CNNM2: variants seen among roughly 807,000 people sequenced by gnomAD.
CNNM2 encodes metal transporter CNNM2.
A neutral mutation model predicts 66.9 loss-of-function variants in CNNM2; 12 were observed. That is an observed-to-expected ratio of 0.18 (90% CI 0.11 to 0.29). The LOEUF is 0.29. Among genes scored for constraint, CNNM2 ranks in the 10% least tolerant of loss-of-function variants. The pLI is 1.00. For missense variants in CNNM2, 705 were observed against 1,167.7 expected (o/e 0.60, Z 5.77); for synonymous variants, 557 against 501.8 (o/e 1.11, Z -1.47).
intron 1 of CNNM2, among the ~76,000 whole-genome samples, chr10:102,954,093 A>G (rs1400133901): frequency 1.3e-5 from 2 of 149,800 alleles, no homozygotes; most frequent in Non-Finnish European, 3.0e-5. Context: ...GCTATTTTCT[A>G]TGTAACATTG....
At position 103,090,219 on chromosome 10, in the gene CNNM2, A is replaced by G; in HGVS notation, c.*13039A>G. On this transcript the variant is annotated 3_prime_UTR_variant, in exon 8 of 8. Transcript: ENST00000369878. The stretch of plus-strand genomic sequence containing the variant: ...CAGATCAGAATAAAGGAATGTAAAA[A>G]CCACATTTTCTTTTTCTTGAGATGG... 2.9e-6 allele frequency: 1 copy of G among 342,194 alleles called. No homozygotes were observed. Among genetic ancestry groups the G allele is most frequent in the Non-Finnish European group, 5.3e-6 (1 of 188,830 alleles). The allele number at this position is 342,194 out of a possible 1,614,324, so 21.2% of individuals were successfully genotyped here. A position where few individuals can be genotyped will look rare whatever the true frequency, so the allele number is the denominator to read the frequency against.
intron 1 of CNNM2, among the ~76,000 whole-genome samples, chr10:102,998,806 C>G (rs1252521385): frequency 6.6e-6 from 1 of 152,146 alleles, no homozygotes; most frequent in Non-Finnish European, 1.5e-5. Context: ...TGGTGAAACC[C>G]TGTCTCTACT....
At chr10:103,014,263 T>G (rs1307069164) in intron 1 of CNNM2, among the ~76,000 whole-genome samples, 8 of 152,202 alleles carry the variant, frequency 5.3e-5, no homozygotes, top group Admixed American at 5.2e-4. Flanking sequence ...GCCCTCAAAG[T>G]ATGCATAGCC....
chr10:103,028,909 G>A (rs537053906), intron 1 of CNNM2, among the ~76,000 whole-genome samples: 1 of 135,306 alleles, frequency 7.4e-6, no homozygotes, highest in Admixed American at 8.5e-5. Flanking sequence ...TGCAACCTCC[G>A]CACACCAGGT....
At chr10:102,933,946 A>G (rs1278353672) in intron 1 of CNNM2, among the ~76,000 whole-genome samples, 1 of 151,042 alleles carries the variant, frequency 6.6e-6, no homozygotes, top group Non-Finnish European at 1.5e-5. Flanking sequence ...CGATCCTTCC[A>G]CCTCAGCCTC....
Position 103,064,923 on chromosome 10 carries a change from T to C in CNNM2, c.2074-3706T>C, listed in dbSNP as rs541506427. Among the ~76,000 whole-genome samples, 20 of 152,330 alleles carry C rather than the reference T, an allele frequency of 1.3e-4. No individual in the cohort carries two copies. In the South Asian group the frequency reaches 3.1e-3, roughly 24 times the overall value. On this transcript the variant is annotated intron_variant, in intron 4 of 7. Coordinates refer to ENST00000369878, the MANE Select transcript of CNNM2 (RefSeq NM_017649.5). Reference sequence around the variant, plus strand: ...TTTGGCAACCCCGTATCTTTCCCTGTATCTGTCTCTGTAGAGGTGCGTCTT... The same window carrying C: ...TTTGGCAACCCCGTATCTTTCCCTGCATCTGTCTCTGTAGAGGTGCGTCTT...
At chr10:103,034,382 G>GT (rs1213685479) in intron 1 of CNNM2, among the ~76,000 whole-genome samples, 1 of 151,658 alleles carries the variant, frequency 6.6e-6, no homozygotes, top group Non-Finnish European at 1.5e-5. Flanking sequence ...CTTCAAGCAG[G>GT]TTTAAAAACC....
chr10:103,045,260 C>T (rs1360506435), intron 1 of CNNM2, among the ~76,000 whole-genome samples: 6 of 152,166 alleles, frequency 3.9e-5, no homozygotes, highest in African/African-American at 1.2e-4. Context: ...TTTCCCTCCT[C>T]GTCTCCTCTG....
At position 103,034,972 on chromosome 10, in the gene CNNM2, C is replaced by CAAAAAAAAAAAA. The variant is rs71019651; in HGVS notation, c.1622-14728_1622-14717dup. 7.9e-4 allele frequency among the ~76,000 whole-genome samples: 56 copies of CAAAAAAAAAAAA among 71,118 alleles called. 1 individual carries two copies. Among genetic ancestry groups the CAAAAAAAAAAAA allele is most frequent in the African/African-American group, 2.9e-3 (48 of 16,414 alleles). The allele number at this position is 71,118 out of a possible 152,430, so 46.7% of individuals were successfully genotyped here. Reference sequence around the variant, plus strand: ...TGGGCGACAGAGCGAGACTCCGTCTCAAAAAAAAAAAAAAAAAATCTCCTA... The same window carrying CAAAAAAAAAAAA: ...TGGGCGACAGAGCGAGACTCCGTCTCAAAAAAAAAAAAAAAAAAAAAAAAAAAAAATCTCCTA... On this transcript the variant is annotated intron_variant, in intron 1 of 7. Coordinates refer to ENST00000369878, the MANE Select transcript of CNNM2 (RefSeq NM_017649.5).
intron 1 of CNNM2, among the ~76,000 whole-genome samples, chr10:102,926,051 C>T (rs1373664626): frequency 2.0e-5 from 3 of 152,110 alleles, no homozygotes; most frequent in Non-Finnish European, 4.4e-5. Flanking sequence ...TTGGTTAGGA[C>T]TGTGGGGGTG....
At chr10:103,030,862 TA>T (rs1425611470) in intron 1 of CNNM2, among the ~76,000 whole-genome samples, 1 of 152,156 alleles carries the variant, frequency 6.6e-6, no homozygotes, top group Non-Finnish European at 1.5e-5. Context: ...CAGATGTCAT[TA>T]GTATAAGGAT....
intron 1 of CNNM2, among the ~76,000 whole-genome samples, chr10:103,020,782 A>C (rs1268983946): frequency 7.3e-6 from 1 of 136,578 alleles, no homozygotes; most frequent in Non-Finnish European, 1.6e-5. Flanking sequence ...CTAGACTGGG[A>C]AGGGGCGAAG....
chr10:102,974,729 G>C (rs1245908600), intron 1 of CNNM2, among the ~76,000 whole-genome samples: 1 of 151,990 alleles, frequency 6.6e-6, no homozygotes, highest in East Asian at 1.9e-4. Flanking sequence ...TACAGGCAGG[G>C]TCTCACCATC....
Position 103,082,875 on chromosome 10 carries a change from A to T in CNNM2, c.*5695A>T, listed in dbSNP as rs1172667048. On this transcript the variant is annotated 3_prime_UTR_variant, in exon 8 of 8. Coordinates refer to ENST00000369878, the MANE Select transcript of CNNM2 (RefSeq NM_017649.5). ...GGCTCTCTTCCCCTATGTAGGGTAC[A>T]GTACAGCTGTGAGTCCACGGCCTCC... 1 of 152,222 alleles carries T rather than the reference A, an allele frequency of 6.6e-6. No individual in the cohort carries two copies. Among genetic ancestry groups the T allele is most frequent in the Non-Finnish European group, 1.5e-5 (1 of 68,042 alleles). 9.4% of individuals were successfully genotyped at this position (152,222 alleles called of 1,614,324 possible). A position where few individuals can be genotyped will look rare whatever the true frequency, so the allele number is the denominator to read the frequency against.
At chr10:103,075,932 A>G (rs2065682716) in intron 6 of CNNM2, among the ~76,000 whole-genome samples, 154 bp from the exon 7 acceptor site, 1 of 152,244 alleles carries the variant, frequency 6.6e-6, no homozygotes, top group African/African-American at 2.4e-5. Flanking sequence ...TCCGCCATAC[A>G]TAGGATACCC....
At chr10:102,923,695 T>C (rs776266504) in intron 1 of CNNM2, among the ~76,000 whole-genome samples, 1 of 152,212 alleles carries the variant, frequency 6.6e-6, no homozygotes, top group Non-Finnish European at 1.5e-5. Context: ...TTTTTGCCAT[T>C]AAAACAGTTT....
chr10:102,922,341 T>C (rs1386240754), intron 1 of CNNM2, among the ~76,000 whole-genome samples: 1 of 152,060 alleles, frequency 6.6e-6, no homozygotes, highest in Admixed American at 6.6e-5. Flanking sequence ...TTTTTTTTAT[T>C]ATCAGTTTGG....
rs541132419 is a variant in CNNM2 at position 103,061,673 on chromosome 10, C to T, written c.2073+4709C>T. Among the ~76,000 whole-genome samples, 4 of 152,198 alleles carry T rather than the reference C, an allele frequency of 2.6e-5. No homozygotes were observed. In the South Asian group the frequency reaches 8.3e-4, roughly 32 times the overall value. On this transcript the variant is annotated intron_variant, in intron 4 of 7. Transcript: ENST00000369878. The stretch of plus-strand genomic sequence containing the variant: ...CTTTAAGGCTAATATGGGCTTAATC[C>T]TAAAATCTGATAATATAAGCCAATC...
chr10:103,008,330 A>C (rs898046005), intron 1 of CNNM2, among the ~76,000 whole-genome samples: 35 of 152,334 alleles, frequency 2.3e-4, no homozygotes, highest in African/African-American at 7.9e-4. Flanking sequence ...ATTTCAAAAC[A>C]GTGGCAAAGC....
Sources: gnomAD v4.1 joint callset for allele counts (sites outside exome capture counted in the v4.1 genomes callset) on GRCh38, gnomAD v4.1.1 for gene constraint, MANE v1.5 for transcripts, NCBI Gene and HGNC (gene_info 2026-07-23, HGNC 2026-07-21) for gene names.